Variants in MACROD2 observed in about 807,000 individuals in gnomAD.
MACROD2 encodes the protein mono-ADP ribosylhydrolase 2, also known as ADP-ribose glycohydrolase MACROD2.
MACROD2 carries 36 observed loss-of-function variants against 70.4 expected under a neutral mutation model. The observed-to-expected ratio is 0.51, with a 90% CI of 0.39 to 0.68. The LOEUF is 0.68. Among genes scored for constraint, MACROD2 ranks in the 30% least tolerant of loss-of-function variants. The probability of loss-of-function intolerance (pLI) is 0.00; values close to 1 mark genes in which losing one functional copy is unlikely to be tolerated. For missense variants in MACROD2, 496 were observed against 538.4 expected, an observed-to-expected ratio of 0.92 and a Z score of 0.78; for synonymous variants, 172 against 178.8, an observed-to-expected ratio of 0.96 and a Z score of 0.30.
chr20:15,673,284 A>G (rs550264398), intron 8 of MACROD2, among the ~76,000 whole-genome samples: 2 of 152,330 alleles, frequency 1.3e-5, no homozygotes, highest in African/African-American at 4.8e-5. Context: ...TTTTCTTAAG[A>G]CAGCTTAAGT....
chr20:14,495,078 G>T (rs2084838595), intron 4 of MACROD2, among the ~76,000 whole-genome samples: 1 of 152,070 alleles, frequency 6.6e-6, no homozygotes, highest in South Asian at 2.1e-4. Flanking sequence ...TCAAAAAATT[G>T]ACTTGACTAA....
chr20:14,478,549 TG>T (rs1237862159), intron 3 of MACROD2, among the ~76,000 whole-genome samples: 1 of 152,210 alleles, frequency 6.6e-6, no homozygotes, highest in Non-Finnish European at 1.5e-5. Context: ...TTATCTTATT[TG>T]GGGTTCACTT....
At chr20:14,365,355 A>G (rs1482980518) in intron 3 of MACROD2, among the ~76,000 whole-genome samples, 1 of 151,516 alleles carries the variant, frequency 6.6e-6, no homozygotes, top group African/African-American at 2.4e-5. Context: ...TGAAATAATA[A>G]TGTTCATAAA....
intron 3 of MACROD2, among the ~76,000 whole-genome samples, chr20:14,278,743 A>G (rs188664713): frequency 1.5e-3 from 223 of 152,326 alleles, no homozygotes; most frequent in Non-Finnish European, 2.6e-3. Context: ...ATCATTTTGA[A>G]TGAATTGCTG....
chr20:15,402,716 T>C (rs1314373804), intron 6 of MACROD2, among the ~76,000 whole-genome samples: 8 of 152,172 alleles, frequency 5.3e-5, no homozygotes, highest in Admixed American at 5.2e-4. Flanking sequence ...TAGAACTAAT[T>C]TGACACTGCA....
chr20:15,068,355 T>C (rs779295561), intron 5 of MACROD2, among the ~76,000 whole-genome samples: 1 of 152,202 alleles, frequency 6.6e-6, no homozygotes, highest in Admixed American at 6.5e-5. Context: ...CAATTGGTCA[T>C]GATTTTGAAC....
At chr20:15,367,716 A>G (rs1035130499) in intron 6 of MACROD2, among the ~76,000 whole-genome samples, 1 of 152,126 alleles carries the variant, frequency 6.6e-6, no homozygotes, top group African/African-American at 2.4e-5. Context: ...TTTTTTTTAA[A>G]CAATATATAT....
At chr20:15,304,308 A>G (rs1213985719) in intron 6 of MACROD2, among the ~76,000 whole-genome samples, 1 of 152,188 alleles carries the variant, frequency 6.6e-6, no homozygotes, top group Non-Finnish European at 1.5e-5. Flanking sequence ...GGACTGGTCC[A>G]TCCCATAGTT....
chr20:15,363,292 G>A lies in MACROD2; in HGVS notation c.541-68113G>A, dbSNP rs181099964. Among the ~76,000 whole-genome samples the A allele has an allele frequency of 2.3e-3, 356 of 152,274 alleles. 3 individuals carry two copies. The highest frequency in any genetic ancestry group is 0.019 in the South Asian group (92 of 4,826). On this transcript the variant is annotated intron_variant, in intron 6 of 17. Transcript: ENST00000684519. ...AGAACCATCCTGTTAAAAAATCTAG[G>A]AGTCTCCAATTCAGCAGTCTGTTAA... is the stretch of plus-strand genomic sequence containing the variant.
chr20:15,474,501 T>C (rs924474439), intron 7 of MACROD2, among the ~76,000 whole-genome samples: 24 of 152,212 alleles, frequency 1.6e-4, no homozygotes, highest in African/African-American at 5.3e-4. Flanking sequence ...TTCTCATCTT[T>C]CTTTGCTTTT....
At chr20:14,850,788 G>T (rs1474324220) in intron 5 of MACROD2, among the ~76,000 whole-genome samples, 1 of 152,140 alleles carries the variant, frequency 6.6e-6, no homozygotes, top group Non-Finnish European at 1.5e-5. Flanking sequence ...CAACGGACTG[G>T]TAAATATTAT....
At chr20:14,017,581 TTCACA>T (rs2053012113) in intron 2 of MACROD2, among the ~76,000 whole-genome samples, 1 of 152,144 alleles carries the variant, frequency 6.6e-6, no homozygotes, top group South Asian at 2.1e-4. Context: ...GATCATGTAG[TTCACA>T]TCCTTCATTC....
At chr20:15,558,258 T>C (rs1489966461) in intron 8 of MACROD2, among the ~76,000 whole-genome samples, 2 of 152,192 alleles carry the variant, frequency 1.3e-5, no homozygotes, top group African/African-American at 4.8e-5. Flanking sequence ...ATTCTGATTA[T>C]CCTGCTGACT....
intron 2 of MACROD2, among the ~76,000 whole-genome samples, chr20:14,015,206 T>A (rs971893018): frequency 6.6e-5 from 10 of 152,178 alleles, no homozygotes; most frequent in African/African-American, 2.4e-4. Flanking sequence ...TTTTAAATGT[T>A]CAGTTTAGTG....
intron 2 of MACROD2, among the ~76,000 whole-genome samples, chr20:14,059,717 A>C (rs117298187): frequency 2.0e-3 from 302 of 152,310 alleles, no homozygotes; most frequent in Non-Finnish European, 3.1e-3. Flanking sequence ...GGCATTTGAG[A>C]TAGTCATGAA....
intron 3 of MACROD2, among the ~76,000 whole-genome samples, chr20:14,159,950 A>G (rs1489744719): frequency 1.3e-5 from 2 of 152,200 alleles, no homozygotes; most frequent in Admixed American, 6.5e-5. Context: ...GATTTTTATC[A>G]GATGCGTTTT....
intron 6 of MACROD2, among the ~76,000 whole-genome samples, chr20:15,381,766 TG>T (rs2045647404): frequency 6.6e-6 from 1 of 152,124 alleles, no homozygotes; most frequent in African/African-American, 2.4e-5. Context: ...GAAGTGGTGT[TG>T]GGGCAAAGTT....
chr20:15,191,072 C>T (rs777669277), intron 5 of MACROD2, among the ~76,000 whole-genome samples: 16 of 152,130 alleles, frequency 1.1e-4, no homozygotes, highest in Non-Finnish European at 1.8e-4. Flanking sequence ...TAATCCAGGG[C>T]ACATATAGTT....
chr20:14,225,066 G>A (rs2081719526), intron 3 of MACROD2, among the ~76,000 whole-genome samples: 1 of 152,226 alleles, frequency 6.6e-6, no homozygotes, highest in African/African-American at 2.4e-5. Context: ...TTGTAGGTCA[G>A]ATGGGTGTTC....
Sources: allele counts gnomAD v4.1 joint callset (sites outside exome capture counted in the v4.1 genomes callset), GRCh38; gene constraint gnomAD v4.1.1; transcripts MANE v1.5; gene names NCBI Gene and HGNC (gene_info 2026-07-23, HGNC 2026-07-21).